The following IPMK variants were observed in gnomAD, a reference collection of about 807,000 sequenced individuals.
IPMK encodes the protein inositol polyphosphate multikinase, also known as inositol 1,3,4,6-tetrakisphosphate 5-kinase.
A neutral mutation model predicts 45.8 loss-of-function variants in IPMK; 17 were observed. The observed-to-expected ratio is 0.37, with a 90% confidence interval of 0.25 to 0.56. The LOEUF is 0.56. Among genes scored for constraint, IPMK ranks in the 20% least tolerant of loss-of-function variants. IPMK has a pLI of 0.79. For synonymous variants in IPMK, 180 were observed against 184.3 expected (o/e 0.98, Z 0.19); for missense variants, 399 against 498.0 (o/e 0.80, Z 1.89).
chr10:58,253,141 G>A (rs1418016140), intron 1 of IPMK, among the ~76,000 whole-genome samples: 1 of 152,112 alleles, frequency 6.6e-6, no homozygotes, highest in Admixed American at 6.6e-5. Context: ...ATAAGTCTCT[G>A]ATAGTTTTAT....
chr10:58,267,506 C>T lies in IPMK; in HGVS notation c.106G>A (p.Ala36Thr), dbSNP rs1400405547. The change falls in exon 1 of 6, where the codon GCG becomes ACG. Residue 36 changes from alanine (A) to threonine (T), a missense_variant. Physicochemically the swap from Ala to Thr is moderately conservative, Grantham distance 58. This residue lies in a region of IPMK where 111 missense variants were observed against 99.9 expected (regional missense o/e 1.11). Transcript: ENST00000373935. Reference sequence around the variant, plus strand: ...TTGAGGAAGCGGAGTCTGCCGCCCGCCGGCTGCGGGGTGCCCTCAGGGGTG... The same window carrying T: ...TTGAGGAAGCGGAGTCTGCCGCCCGTCGGCTGCGGGGTGCCCTCAGGGGTG... ...ESTPEGTPQP[A>T]GGRLRFLNGC... 1 of 1,613,474 alleles carries T rather than the reference C, an allele frequency of 6.2e-7. No homozygotes were observed.
At chr10:58,215,050 C>T (rs553549286) in intron 4 of IPMK, among the ~76,000 whole-genome samples, 1 of 152,148 alleles carries the variant, frequency 6.6e-6, no homozygotes, top group African/African-American at 2.4e-5. Flanking sequence ...AGTTTAAGAA[C>T]CCTTATATTC....
intron 1 of IPMK, among the ~76,000 whole-genome samples, chr10:58,239,031 C>G (rs1487664124): frequency 6.6e-6 from 1 of 152,036 alleles, no homozygotes; most frequent in Non-Finnish European, 1.5e-5. Context: ...TGTCTATAGT[C>G]CCAGCTACTC....
chr10:58,228,504 C>A (rs1389766320), intron 2 of IPMK, among the ~76,000 whole-genome samples: 2 of 152,170 alleles, frequency 1.3e-5, no homozygotes, highest in Non-Finnish European at 2.9e-5. Flanking sequence ...ACATGCCAGG[C>A]AAGATAACCT....
At chr10:58,249,595 C>T (rs1339763211) in intron 1 of IPMK, among the ~76,000 whole-genome samples, 3 of 152,126 alleles carry the variant, frequency 2.0e-5, no homozygotes, top group Non-Finnish European at 4.4e-5. Context: ...ATACATTCTG[C>T]TTATTAATCT....
chr10:58,256,922 A>G (rs1838977256), intron 1 of IPMK, among the ~76,000 whole-genome samples: 1 of 152,094 alleles, frequency 6.6e-6, no homozygotes, highest in African/African-American at 2.4e-5. Context: ...AAAATTAGCC[A>G]CGCATGTTGG....
intron 1 of IPMK, among the ~76,000 whole-genome samples, chr10:58,238,990 A>C (rs1317305381): frequency 6.6e-6 from 1 of 152,144 alleles, no homozygotes; most frequent in African/African-American, 2.4e-5. Flanking sequence ...AAAACATTTA[A>C]AAAAGAAAAT....
chr10:58,216,245 T>G lies in IPMK; in HGVS notation c.446A>C (p.Gln149Pro). 1 of 1,611,506 alleles carries G rather than the reference T, an allele frequency of 6.2e-7. No homozygotes were observed. Among genetic ancestry groups the G allele is most frequent in the Non-Finnish European group, 8.5e-7 (1 of 1,178,146 alleles). Reference protein sequence around the residue: ...KPCIMDVKIGQKSYDPFASSE... With the variant: ...KPCIMDVKIGPKSYDPFASSE... ...TGAGGCAAAAGGATCATAGCTTTTTTGCCCTATCTTTACATCCATTATACA... is the reference window on the plus strand; with the variant it reads ...TGAGGCAAAAGGATCATAGCTTTTTGGCCCTATCTTTACATCCATTATACA... The change falls in exon 4 of 6, where the codon CAA (glutamine) becomes CCA (proline). Residue 149 changes from glutamine to proline, a missense_variant. This residue lies in a region of IPMK where 288 missense variants were observed against 398.0 expected (regional missense o/e 0.72). Transcript: ENST00000373935.
chr10:58,196,639 T>C lies in IPMK; in HGVS notation c.688A>G (p.Ile230Val). The C allele has an allele frequency of 4.3e-6, 7 of 1,613,454 alleles. No homozygotes were observed. The highest frequency in any genetic ancestry group is 5.9e-6 in the Non-Finnish European group (7 of 1,179,674). ...CLRKDAVAAS[I>V]QKIEKILQWF... ...TGCAGAATTTTCTCAATCTTCTGAATACTGGCAGCAACAGCATCTTTTCTT... is the reference window on the plus strand; with the variant it reads ...TGCAGAATTTTCTCAATCTTCTGAACACTGGCAGCAACAGCATCTTTTCTT... Residue 230 changes from isoleucine to valine, a missense_variant, in exon 6 of 6, where the codon ATT becomes GTT. Transcript: ENST00000373935.
intron 3 of IPMK, among the ~76,000 whole-genome samples, chr10:58,226,457 C>T (rs1838417171): frequency 6.6e-6 from 1 of 152,226 alleles, no homozygotes; most frequent in Admixed American, 6.5e-5. Flanking sequence ...CCTCAATTCA[C>T]CTTTGTCAAT....
At position 58,196,098 on chromosome 10, in the gene IPMK, A is replaced by C; in HGVS notation, c.1229T>G (p.Leu410Arg). ...VYGLKHLISV[L>R]RSILDN ...GATTCAATTGTCTAAAATACTTCGA[A>C]GTACAGAAATTAAATGCTTTAGCCC... Residue 410 changes from leucine to arginine, a missense_variant, in exon 6 of 6, where the codon CTT becomes CGT. Physicochemically the swap from Leu to Arg is moderately radical, Grantham distance 102. Coordinates refer to ENST00000373935, the MANE Select transcript of IPMK (RefSeq NM_152230.5). The C allele has an allele frequency of 6.2e-7, 1 of 1,613,028 alleles. No individual in the cohort carries two copies. The highest frequency in any genetic ancestry group is 8.5e-7 in the Non-Finnish European group (1 of 1,179,274).
chr10:58,213,018 G>A (rs1427040524), intron 4 of IPMK: 1 of 156,626 alleles, frequency 6.4e-6, no homozygotes, highest in Non-Finnish European at 1.4e-5. Context: ...TAGCTGATGA[G>A]ATGCTGGTAA....
chr10:58,198,033 C>CA (rs1456694041), intron 5 of IPMK, among the ~76,000 whole-genome samples: 1 of 151,996 alleles, frequency 6.6e-6, no homozygotes, highest in Non-Finnish European at 1.5e-5. Flanking sequence ...GTCTTGAAAA[C>CA]AAAAAACAAA....
Position 58,196,387 on chromosome 10 carries a change from A to C in IPMK, c.940T>G (p.Leu314Val). 5 of 1,614,114 alleles carry C rather than the reference A, an allele frequency of 3.1e-6. No individual in the cohort carries two copies. Among genetic ancestry groups the C allele is most frequent in the Non-Finnish European group, 4.2e-6 (5 of 1,180,008 alleles). ...GKIESSVGKS[L>V]SKMYARHRKI... ...CTGTGACGCGCATACATCTTGGACA[A>C]GCTTTTGCCCACTGAAGACTCTATT... Residue 314 changes from leucine (L) to valine (V), a missense_variant, in exon 6 of 6, where the codon TTG (leucine) becomes GTG (valine). By Grantham distance (32) the Leu-to-Val change is conservative. Transcript: ENST00000373935.
chr10:58,260,836 C>T (rs1254001876), intron 1 of IPMK, among the ~76,000 whole-genome samples: 2 of 151,996 alleles, frequency 1.3e-5, no homozygotes, highest in Non-Finnish European at 2.9e-5. Flanking sequence ...GCAAATAAAT[C>T]GATTCTCACC....
chr10:58,242,340 G>T lies in IPMK; in HGVS notation c.191-4526C>A, dbSNP rs1422205801. Among the ~76,000 whole-genome samples the T allele has an allele frequency of 4.6e-5, 7 of 151,876 alleles. 2 individuals are homozygous for T. In the South Asian group the frequency reaches 1.5e-3, roughly 31 times the overall value. On this transcript the variant is annotated intron_variant, in intron 1 of 5. Coordinates refer to ENST00000373935, the MANE Select transcript of IPMK (RefSeq NM_152230.5). ...CCAGGCGTTGTGGCGGACGCCTGTAGTCTCAGCTACTCGGGAGGCTGAGGC... is the reference window on the plus strand; with the variant it reads ...CCAGGCGTTGTGGCGGACGCCTGTATTCTCAGCTACTCGGGAGGCTGAGGC...
chr10:58,201,640 A>G (rs1200645197), intron 4 of IPMK, among the ~76,000 whole-genome samples: 2 of 152,156 alleles, frequency 1.3e-5, no homozygotes, highest in African/African-American at 2.4e-5. Context: ...TAACCCTCCA[A>G]TGGCCTCTAA....
intron 4 of IPMK, among the ~76,000 whole-genome samples, chr10:58,207,727 T>C (rs1838091605): frequency 6.6e-6 from 1 of 152,124 alleles, no homozygotes; most frequent in Non-Finnish European, 1.5e-5. Flanking sequence ...GTTAGGTGCA[T>C]ATATATTTAG....
At chr10:58,251,592 C>G (rs1007603933) in intron 1 of IPMK, among the ~76,000 whole-genome samples, 3 of 152,146 alleles carry the variant, frequency 2.0e-5, no homozygotes, top group Admixed American at 2.0e-4. Flanking sequence ...AAGTCTCCTA[C>G]TATTATTCTA....
Sources: allele counts gnomAD v4.1 joint callset (sites outside exome capture counted in the v4.1 genomes callset), GRCh38; gene constraint gnomAD v4.1.1; regional missense constraint gnomAD v4.1.1; transcripts MANE v1.5; gene names NCBI Gene and HGNC (gene_info 2026-07-23, HGNC 2026-07-21).